Variants in PCDHGB4 observed in about 807,000 individuals in gnomAD.
The protein encoded by PCDHGB4 is protocadherin gamma-B4.
In PCDHGB4, 38 loss-of-function variants were observed where a neutral mutation model predicts 60.5. The observed-to-expected ratio is 0.63, with a 90% CI of 0.48 to 0.82. PCDHGB4 has a LOEUF of 0.82. Among genes scored for constraint, PCDHGB4 ranks in the 40% least tolerant of loss-of-function variants. PCDHGB4 has a pLI of 0.00. For missense variants in PCDHGB4, 1,109 were observed against 1,209.6 expected, an observed-to-expected ratio of 0.92 and a Z score of 1.23; for synonymous variants, 456 against 509.7, an observed-to-expected ratio of 0.89 and a Z score of 1.42.
chr5:141,499,466 G>C (rs1337970911), intron 2 of PCDHGB4, among the ~76,000 whole-genome samples: 1 of 152,034 alleles, frequency 6.6e-6, no homozygotes, highest in African/African-American at 2.4e-5. Flanking sequence ...TTACAATCTA[G>C]GGAGAACCAC....
At chr5:141,397,858 C>G in intron 1 of PCDHGB4, 2 of 559,034 alleles carry the variant, frequency 3.6e-6, no homozygotes, top group South Asian at 2.6e-5. Context: ...GCTGTAGTTT[C>G]CTAGTGCTGA....
intron 1 of PCDHGB4, among the ~76,000 whole-genome samples, chr5:141,451,542 G>A (rs1023356681): frequency 3.3e-5 from 5 of 152,148 alleles, no homozygotes; most frequent in Non-Finnish European, 7.3e-5. Context: ...GCCAGAGAGG[G>A]CAAATGTGAT....
At position 141,487,444 on chromosome 5, in the gene PCDHGB4, T is replaced by G; in HGVS notation, c.2398-7363T>G. 1 of 1,614,194 alleles carries G rather than the reference T, an allele frequency of 6.2e-7. No individual in the cohort carries two copies. The highest frequency in any genetic ancestry group is 8.5e-7 in the Non-Finnish European group (1 of 1,180,040). ...TCCTCCGAATCCAGCTAGGGTCAGA[T>G]GACCCTATCAAGTTTGTTGATGTGG... On this transcript the variant is annotated intron_variant, in intron 1 of 3. Transcript: ENST00000519479. This position sits in a 1 kb window ranked among gnomAD's most constrained non-coding sequence, Gnocchi z 5.0.
chr5:141,399,559 G>T (rs1589373313), intron 1 of PCDHGB4: 1 of 1,614,038 alleles, frequency 6.2e-7, no homozygotes, highest in African/African-American at 1.3e-5. Context: ...CCTGGACTTG[G>T]GGTTGAACGG....
intron 1 of PCDHGB4, chr5:141,440,430 G>A (rs965990102): frequency 6.6e-6 from 1 of 152,196 alleles, no homozygotes; most frequent in African/African-American, 2.4e-5. Flanking sequence ...CTGGGTGACA[G>A]AGCAAGGCGC....
intron 1 of PCDHGB4, among the ~76,000 whole-genome samples, chr5:141,472,862 T>C (rs770564770): frequency 1.3e-5 from 2 of 150,322 alleles, no homozygotes; most frequent in South Asian, 4.2e-4. Flanking sequence ...GGCACATGCC[T>C]GTATTCCCAG....
Position 141,486,388 on chromosome 5 carries a change from C to T in PCDHGB4, c.2398-8419C>T, listed in dbSNP as rs2099628930. ...TCAAGTCTGCCTTCAGGAACCAGTT[C>T]TCCCTGGTGACTGCTGGACCCTTGG... On this transcript the variant is annotated intron_variant, in intron 1 of 3. Coordinates refer to ENST00000519479, the MANE Select transcript of PCDHGB4 (RefSeq NM_003736.4). This position sits in a 1 kb window ranked among gnomAD's most constrained non-coding sequence, Gnocchi z 5.0. 2 of 1,613,988 alleles carry T rather than the reference C, an allele frequency of 1.2e-6. No individual in the cohort carries two copies. The highest frequency in any genetic ancestry group is 2.7e-5 in the African/African-American group (2 of 74,924).
At chr5:141,457,573 C>T (rs934685938) in intron 1 of PCDHGB4, among the ~76,000 whole-genome samples, 3 of 152,206 alleles carry the variant, frequency 2.0e-5, no homozygotes, top group Non-Finnish European at 4.4e-5. Flanking sequence ...CAAAATTTTT[C>T]TCTCCAGTCC....
intron 1 of PCDHGB4, among the ~76,000 whole-genome samples, chr5:141,461,181 A>T (rs1322465700): frequency 1.3e-5 from 2 of 152,104 alleles, no homozygotes; most frequent in Non-Finnish European, 2.9e-5. Flanking sequence ...ATTGAATGGT[A>T]GATCTGTTTT....
chr5:141,394,506 C>G, intron 1 of PCDHGB4: 2 of 1,614,214 alleles, frequency 1.2e-6, no homozygotes, highest in Non-Finnish European at 1.7e-6. Context: ...GATCCTGTAC[C>G]CCGCCCTCCC....
chr5:141,480,240 C>CAA (rs11374694), intron 1 of PCDHGB4, among the ~76,000 whole-genome samples: 156 of 114,060 alleles, frequency 1.4e-3, no homozygotes, highest in Admixed American at 4.6e-3. Flanking sequence ...CCTGTCTCTA[C>CAA]AAAAAAAAAA....
intron 1 of PCDHGB4, chr5:141,478,153 T>G (rs1477175391): frequency 3.1e-6 from 5 of 1,613,934 alleles, no homozygotes; most frequent in Middle Eastern, 1.6e-4. Flanking sequence ...AGTTCCCCTC[T>G]GGCTCTGCCC....
chr5:141,487,491 C>A lies in PCDHGB4; in HGVS notation c.2398-7316C>A. On this transcript the variant is annotated intron_variant, in intron 1 of 3. Transcript: ENST00000519479. This position sits in a 1 kb window ranked among gnomAD's most constrained non-coding sequence, Gnocchi z 5.0. The stretch of plus-strand genomic sequence containing the variant: ...GTGGGAGGCCACTCTCATGGCTGTA[C>A]ACCCTTGGCTTCTGCACCCACTCGG... The A allele has an allele frequency of 6.2e-7, 1 of 1,614,204 alleles. No individual in the cohort carries two copies. The highest frequency in any genetic ancestry group is 8.5e-7 in the Non-Finnish European group (1 of 1,180,034).
intron 1 of PCDHGB4, among the ~76,000 whole-genome samples, chr5:141,401,393 A>G (rs2094149748): frequency 6.6e-6 from 1 of 152,202 alleles, no homozygotes. Context: ...ACTACATGTT[A>G]TGTGTATGAG....
Position 141,388,497 on chromosome 5 carries a change from C to T in PCDHGB4, c.613C>T (p.Gln205Ter), listed in dbSNP as rs2091382933. The change falls in exon 1 of 4, where the codon CAG (glutamine) becomes TAG (stop). Residue 205 changes from glutamine (Q) to a stop codon, truncating the protein, a stop_gained. Coordinates refer to ENST00000519479, the MANE Select transcript of PCDHGB4 (RefSeq NM_003736.4). LOFTEE classifies it high-confidence loss of function. ...VLKTPLDREK[Q>*]KSYHLTLTAL... ...GAAGACACCTTTGGACAGAGAAAAG[C>T]AGAAATCCTACCACTTGACTTTGAC... 2.1e-5 allele frequency: 34 copies of T among 1,613,702 alleles called. No homozygotes were observed. The highest frequency in any genetic ancestry group is 1.6e-4 in the Middle Eastern group (1 of 6,084).
chr5:141,419,423 C>A, intron 1 of PCDHGB4: 1 of 1,613,368 alleles, frequency 6.2e-7, no homozygotes, highest in Non-Finnish European at 8.5e-7. Context: ...CGCCTTCGAC[C>A]ACGAGCAGCT....
chr5:141,430,984 C>G (rs765063685), intron 1 of PCDHGB4: 2 of 1,613,530 alleles, frequency 1.2e-6, no homozygotes, highest in Non-Finnish European at 1.7e-6. Flanking sequence ...CGCAGCTTTT[C>G]GCCCTGAATC....
At chr5:141,394,373 C>T in intron 1 of PCDHGB4, 12 of 1,614,206 alleles carry the variant, frequency 7.4e-6, no homozygotes, top group Non-Finnish European at 1.0e-5. Context: ...TGCAATCTTT[C>T]GACTATGAGC....
intron 1 of PCDHGB4, among the ~76,000 whole-genome samples, chr5:141,462,990 A>T (rs181384059): frequency 1.8e-3 from 278 of 152,244 alleles, no homozygotes; most frequent in Non-Finnish European, 3.4e-3. Context: ...GCCTTGGGCT[A>T]ATTTAGACCT....
Sources: gnomAD v4.1 joint callset for allele counts (sites outside exome capture counted in the v4.1 genomes callset) on GRCh38, gnomAD v4.1.1 for gene constraint, Gnocchi (gnomAD v3.1) non-coding constraint, MANE v1.5 for transcripts, NCBI Gene and HGNC (gene_info 2026-07-23, HGNC 2026-07-21) for gene names.